The following AK9 variants were observed in gnomAD, a reference collection of about 807,000 sequenced individuals.
AK9 encodes the protein adenylate kinase domain containing 1.
A neutral mutation model predicts 239.6 loss-of-function variants in AK9; 191 were observed. The ratio of observed to expected loss-of-function variants is 0.80; its 90% confidence interval spans 0.71 to 0.90. The LOEUF is 0.90. AK9 is among the 40% of genes least tolerant of loss of function. The pLI, the probability that AK9 is intolerant of heterozygous loss-of-function variation, is 0.00. For missense variants in AK9, 1,995 were observed against 2,214.7 expected, an observed-to-expected ratio of 0.90 and a Z score of 1.99; for synonymous variants, 689 against 721.0, an observed-to-expected ratio of 0.96 and a Z score of 0.71.
intron 17 of AK9, among the ~76,000 whole-genome samples, chr6:109,607,128 G>T (rs1482331617): frequency 2.0e-5 from 3 of 152,068 alleles, no homozygotes; most frequent in African/African-American, 7.2e-5. Context: ...ATAAAAAATG[G>T]TTGCAGCAAC....
chr6:109,543,829 G>A (rs756231399), intron 26 of AK9, among the ~76,000 whole-genome samples: 33 of 152,120 alleles, frequency 2.2e-4, no homozygotes, highest in Non-Finnish European at 4.0e-4. Flanking sequence ...TAAAGAATAT[G>A]TCTGAAGGCC....
At chr6:109,619,444 G>C (rs1313408810) in intron 12 of AK9, among the ~76,000 whole-genome samples, 1 of 151,658 alleles carries the variant, frequency 6.6e-6, no homozygotes, top group East Asian at 1.9e-4. Flanking sequence ...TTTTCATGTA[G>C]GATATATGTC....
intron 12 of AK9, among the ~76,000 whole-genome samples, chr6:109,626,393 T>C (rs1011844715): frequency 2.0e-5 from 3 of 152,236 alleles, no homozygotes; most frequent in Non-Finnish European, 2.9e-5. Flanking sequence ...ATGTTGGACA[T>C]TGTGGATGAT....
At chr6:109,564,934 A>G in intron 21 of AK9, 89 bp from the exon 22 acceptor site, 1 of 996,440 alleles carries the variant, frequency 1.0e-6, no homozygotes, top group Admixed American at 2.9e-5. Flanking sequence ...TTCAAAATAT[A>G]GCTTAAATTG....
chr6:109,670,972 T>C (rs977322363), intron 5 of AK9, among the ~76,000 whole-genome samples: 1 of 152,054 alleles, frequency 6.6e-6, no homozygotes, highest in Non-Finnish European at 1.5e-5. Flanking sequence ...ATGTATTATA[T>C]ATAAAAACCC....
chr6:109,614,396 A>G lies in AK9; in HGVS notation c.1484T>C (p.Ile495Thr), dbSNP rs867574663. ...ATATATTTCTTTACCTTCTTCATCA[A>G]TTGATGAGTGTGTTGCCTCCATTGG... Reference protein sequence around the residue: ...VFPMEATHSSIDEEGYIQGSQ... With the variant: ...VFPMEATHSSTDEEGYIQGSQ... Residue 495 changes from isoleucine (I) to threonine (T), a missense_variant, in exon 14 of 41, where the codon ATT becomes ACT. By Grantham distance (89) the Ile-to-Thr change is moderately conservative. Transcript: ENST00000424296. 4 of 1,551,260 alleles carry G rather than the reference A, an allele frequency of 2.6e-6. No homozygotes were observed. The African/African-American group carries it at 4.1e-5, about 16-fold the overall frequency.
At chr6:109,676,498 T>TA (rs1461441821) in intron 1 of AK9, among the ~76,000 whole-genome samples, 2 of 152,072 alleles carry the variant, frequency 1.3e-5, no homozygotes, top group Non-Finnish European at 1.5e-5. Context: ...TTTATGTTCA[T>TA]AAAATATTTA....
chr6:109,595,927 C>A (rs915125327), intron 17 of AK9, among the ~76,000 whole-genome samples: 1 of 152,028 alleles, frequency 6.6e-6, no homozygotes, highest in Non-Finnish European at 1.5e-5. Context: ...GTGCAGCAAA[C>A]CACCATGGCA....
intron 5 of AK9, among the ~76,000 whole-genome samples, chr6:109,666,467 G>A (rs530164724): frequency 4.6e-5 from 7 of 152,212 alleles, no homozygotes; most frequent in African/African-American, 7.2e-5. Flanking sequence ...GAGGAGTGGC[G>A]CACCCCAAGC....
At position 109,618,968 on chromosome 6, in the gene AK9, T is replaced by A. The variant is rs558557605; in HGVS notation, c.1399+124A>T. 54 of 1,069,988 alleles carry A rather than the reference T, an allele frequency of 5.0e-5. No individual in the cohort carries two copies. The South Asian group carries it at 8.8e-4, about 17-fold the overall frequency. 66.3% of individuals were successfully genotyped at this position (1,069,988 alleles called of 1,614,324 possible). On this transcript the variant is annotated intron_variant, in intron 13 of 40. Coordinates refer to ENST00000424296, the MANE Select transcript of AK9 (RefSeq NM_001145128.3). ...GTACATCCATTCTTCAACCATTTGTTAAGAGTCTATAATGTGTAAAGTGCC... is the reference window on the plus strand; with the variant it reads ...GTACATCCATTCTTCAACCATTTGTAAAGAGTCTATAATGTGTAAAGTGCC...
At chr6:109,669,943 G>C (rs1801832365) in intron 5 of AK9, among the ~76,000 whole-genome samples, 4 of 152,108 alleles carry the variant, frequency 2.6e-5, no homozygotes, top group Admixed American at 2.6e-4. Context: ...GTGAGGGTGT[G>C]GCCCCCAGAC....
At chr6:109,497,653 T>G (rs1336708420) in intron 37 of AK9, 90 bp from the exon 38 acceptor site, 7 of 1,332,484 alleles carry the variant, frequency 5.3e-6, no homozygotes, top group Non-Finnish European at 7.3e-6. Context: ...TTTATTTTTC[T>G]ACCTATGTAG....
Position 109,542,093 on chromosome 6 carries a change from T to TTACTTCAAGAA in AK9, c.3303_3304insTTCTTGAAGTA (p.Ile1102PhefsTer4), listed in dbSNP as rs1387942475. ...CACTCAGAAAGAATTACTTCAAGAA[T>TTACTTCAAGAA]TTCAGGAGGCAAGGGCTCATTTTCC... On this transcript the variant is annotated frameshift_variant, in exon 27 of 41. Coordinates refer to ENST00000424296, the MANE Select transcript of AK9 (RefSeq NM_001145128.3). LOFTEE classifies it high-confidence loss of function. 1.9e-6 allele frequency: 3 copies of TTACTTCAAGAA among 1,608,590 alleles called. No homozygotes were observed. The African/African-American group carries it at 4.0e-5, about 22-fold the overall frequency.
At chr6:109,550,935 G>C (rs1784282849) in intron 24 of AK9, among the ~76,000 whole-genome samples, 1 of 151,726 alleles carries the variant, frequency 6.6e-6, no homozygotes, top group Non-Finnish European at 1.5e-5. Flanking sequence ...ACATCACAAT[G>C]TATAAAAAGT....
Position 109,494,070 on chromosome 6 carries a change from G to T in AK9, c.5444C>A (p.Ala1815Glu). ...CTTTAAGCATCCCGCTGCATTCATT[G>T]CTTTAATTAGAGAAGTTGCAATACC... ...EQGIATSLIK[A>E]MNAAGCLKPK... The change falls in exon 40 of 41, where the codon GCA becomes GAA. Residue 1815 changes from alanine to glutamate, a missense_variant. Transcript: ENST00000424296. The T allele has an allele frequency of 6.2e-7, 1 of 1,613,498 alleles. No individual in the cohort carries two copies. The highest frequency in any genetic ancestry group is 8.5e-7 in the Non-Finnish European group (1 of 1,179,524).
intron 27 of AK9, 126 bp downstream of exon 27, chr6:109,541,921 A>G: frequency 1.1e-6 from 1 of 869,824 alleles, no homozygotes. Context: ...TCTCAAGTGA[A>G]AAATCACCAG....
intron 27 of AK9, 60 bp downstream of exon 27, chr6:109,541,987 C>A: frequency 7.3e-7 from 1 of 1,366,988 alleles, no homozygotes; most frequent in Non-Finnish European, 9.8e-7. Context: ...ACATTTTTAA[C>A]TTTTAAGAAT....
intron 29 of AK9, among the ~76,000 whole-genome samples, chr6:109,527,348 G>A (rs928396376): frequency 3.2e-4 from 49 of 152,170 alleles, no homozygotes; most frequent in South Asian, 4.1e-4. Flanking sequence ...GGCTTTCTCC[G>A]CCAGGGATTC....
rs138222924 is a variant in AK9 at position 109,567,112 on chromosome 6, A to G, written c.2345-2267T>C. ...AACTGAAGGAGATAGAGACATAAAA[A>G]ACCCTTCAAAAAATCAATGAATCCA... On this transcript the variant is annotated intron_variant, in intron 21 of 40. Coordinates refer to ENST00000424296, the MANE Select transcript of AK9 (RefSeq NM_001145128.3). Among the ~76,000 whole-genome samples the G allele has an allele frequency of 8.9e-4, 136 of 152,328 alleles. 2 individuals carry two copies. In the East Asian group the frequency reaches 0.02, roughly 23 times the overall value.
Sources: gnomAD v4.1 joint callset for allele counts (sites outside exome capture counted in the v4.1 genomes callset) on GRCh38, gnomAD v4.1.1 for gene constraint, MANE v1.5 for transcripts, NCBI Gene and HGNC (gene_info 2026-07-23, HGNC 2026-07-21) for gene names.